PHTF1: variants seen among roughly 807,000 people sequenced by gnomAD.
The protein encoded by PHTF1 is protein PHTF1.
A neutral mutation model predicts 102.4 loss-of-function variants in PHTF1; 88 were observed. The observed-to-expected ratio is 0.86, with a 90% CI of 0.72 to 1.03. PHTF1 has a LOEUF of 1.03. Among genes scored for constraint, PHTF1 ranks in the 50% least tolerant of loss-of-function variants. The probability of loss-of-function intolerance (pLI) is 0.00; values close to 1 mark genes in which losing one functional copy is unlikely to be tolerated. For missense variants in PHTF1, 814 were observed against 909.5 expected (o/e 0.89, Z 1.35); for synonymous variants, 289 against 305.2 (o/e 0.95, Z 0.55).
intron 16 of PHTF1, 53 bp from the exon 17 acceptor site, chr1:113,699,852 C>T: frequency 1.3e-6 from 1 of 759,790 alleles, no homozygotes; most frequent in Non-Finnish European, 2.2e-6. Context: ...AATATATATA[C>T]TGCATAAAAT....
chr1:113,758,652 G>C lies in PHTF1; in HGVS notation c.45+7C>G, dbSNP rs1041875973. The C allele has an allele frequency of 6.5e-7, 1 of 1,529,526 alleles. No homozygotes were observed. Among genetic ancestry groups the C allele is most frequent in the African/African-American group, 1.4e-5 (1 of 72,916 alleles). 94.7% of individuals were successfully genotyped at this position (1,529,526 alleles called of 1,614,324 possible). A position where few individuals can be genotyped will look rare whatever the true frequency, so the allele number is the denominator to read the frequency against. ...TTACAAATAAAAAAAATATATATAT[G>C]TATTACCTTCTTTTGGTACCACGAT... is the stretch of plus-strand genomic sequence containing the variant. On this transcript the variant is annotated splice_region_variant and intron_variant, in intron 2 of 18. Coordinates refer to ENST00000369604, the MANE Select transcript of PHTF1 (RefSeq NM_001323043.2).
At chr1:113,698,167 AC>A in intron 18 of PHTF1, 94 bp downstream of exon 18, 1 of 829,954 alleles carries the variant, frequency 1.2e-6, no homozygotes, top group Non-Finnish European at 1.9e-6. Flanking sequence ...ACACACACAC[AC>A]ACACACACAC....
chr1:113,755,157 AT>A (rs1557979870), intron 3 of PHTF1, among the ~76,000 whole-genome samples: 1 of 151,178 alleles, frequency 6.6e-6, no homozygotes. Context: ...TTATTTTAAA[AT>A]TTTTTTTGCT....
At chr1:113,732,892 T>C (rs185816208) in intron 5 of PHTF1, among the ~76,000 whole-genome samples, 220 of 152,032 alleles carry the variant, frequency 1.4e-3, no homozygotes, top group African/African-American at 5.2e-3. Flanking sequence ...TAACAATCTT[T>C]TGTTGAGGGG....
At position 113,699,733 on chromosome 1, in the gene PHTF1, C is replaced by T; in HGVS notation, c.2113G>A (p.Val705Ile). 6.8e-7 allele frequency: 1 copy of T among 1,461,174 alleles called. No homozygotes were observed. The highest frequency in any genetic ancestry group is 1.2e-5 in the South Asian group (1 of 83,780). The allele number at this position is 1,461,174 out of a possible 1,614,324, so 90.5% of individuals were successfully genotyped here. ...AACAACTTGGTGGACAGCTTTAATA[C>T]ATTGTTTACTAGAGTAAGCTGTTCT... ...KKEQLTLVNN[V>I]LKLSTKLLKE... The change falls in exon 17 of 19, where the codon GTA (valine) becomes ATA (isoleucine). Residue 705 changes from valine to isoleucine, a missense_variant. Transcript: ENST00000369604.
intron 7 of PHTF1, among the ~76,000 whole-genome samples, chr1:113,723,882 G>T (rs577502175): frequency 6.6e-6 from 1 of 152,046 alleles, no homozygotes; most frequent in African/African-American, 2.4e-5. Context: ...TCTGACAAGG[G>T]ATTAATAACC....
At position 113,704,667 on chromosome 1, in the gene PHTF1, T is replaced by G. The variant is rs1649859454; in HGVS notation, c.1802A>C (p.Lys601Thr). 6.3e-7 allele frequency: 1 copy of G among 1,581,172 alleles called. No individual in the cohort carries two copies. The highest frequency in any genetic ancestry group is 8.6e-7 in the Non-Finnish European group (1 of 1,161,630). ...TATTGTTAATCAAATAAAACTCACC[T>G]TTAGATAGGAACGCAGTGATAACCA... ...KIWLSLRSYLKRRGPQRSVDV... is the reference protein window; with the variant it reads ...KIWLSLRSYLTRRGPQRSVDV... The change falls in exon 14 of 19, where the codon AAG (lysine) becomes ACG (threonine). Residue 601 changes from lysine (K) to threonine (T), a missense_variant and splice_region_variant. Physicochemically the swap from Lys to Thr is moderately conservative, Grantham distance 78. Coordinates refer to ENST00000369604, the MANE Select transcript of PHTF1 (RefSeq NM_001323043.2).
At chr1:113,758,252 A>AAAAAAAAACAC (rs1659185959) in intron 2 of PHTF1, among the ~76,000 whole-genome samples, 1 of 151,560 alleles carries the variant, frequency 6.6e-6, no homozygotes. Flanking sequence ...AAAAAAAAAA[A>AAAAAAAAACAC]AAATCCACTT....
chr1:113,718,759 G>A (rs559518348), intron 7 of PHTF1, among the ~76,000 whole-genome samples: 2 of 152,314 alleles, frequency 1.3e-5, no homozygotes, highest in Non-Finnish European at 2.9e-5. Context: ...TGGAGCAACT[G>A]GGACATGGGA....
chr1:113,738,465 T>C (rs1655862533), intron 4 of PHTF1, among the ~76,000 whole-genome samples, 197 bp from the exon 5 acceptor site: 1 of 152,134 alleles, frequency 6.6e-6, no homozygotes, highest in African/African-American at 2.4e-5. Flanking sequence ...TCAAAATAAG[T>C]CAGGCTTACT....
chr1:113,755,027 A>T (rs1030160293), intron 3 of PHTF1, among the ~76,000 whole-genome samples: 1 of 152,118 alleles, frequency 6.6e-6, no homozygotes, highest in Admixed American at 6.5e-5. Context: ...TGAAGAGTTC[A>T]TACCATTTTT....
intron 12 of PHTF1, 69 bp downstream of exon 12, chr1:113,706,525 A>T: frequency 2.3e-6 from 3 of 1,277,280 alleles, no homozygotes; most frequent in Non-Finnish European, 3.2e-6. Flanking sequence ...TCACTAAGAG[A>T]TTCTTATAAA....
In PHTF1 at chr1:113,724,757, A is replaced by T. The variant is rs1198596456; in HGVS notation, c.623+2T>A. On this transcript the variant is annotated splice_donor_variant, in intron 7 of 18. Coordinates refer to ENST00000369604, the MANE Select transcript of PHTF1 (RefSeq NM_001323043.2). LOFTEE classifies it high-confidence loss of function. ...ACAAAATCAAGTAAAAAAGACTCCC[A>T]CCTGTTGCCAAAGATAGTCTCCCAA... 16 of 1,592,994 alleles carry T rather than the reference A, an allele frequency of 1.0e-5. No homozygotes were observed. Among genetic ancestry groups the T allele is most frequent in the Non-Finnish European group, 1.3e-5 (15 of 1,173,630 alleles).
At chr1:113,736,228 G>A (rs1412135883) in intron 5 of PHTF1, among the ~76,000 whole-genome samples, 1 of 151,336 alleles carries the variant, frequency 6.6e-6, no homozygotes, top group African/African-American at 2.4e-5. Context: ...TGTAGTCCCA[G>A]CTACTCGGGA....
Position 113,741,530 on chromosome 1 carries a change from T to G in PHTF1, c.103-2731A>C, listed in dbSNP as rs559104088. ...TTTCTGGACATTTGTACCAGTGCTATTCCCCATCACTTTAGAGCCAAAATA... is the reference window on the plus strand; with the variant it reads ...TTTCTGGACATTTGTACCAGTGCTAGTCCCCATCACTTTAGAGCCAAAATA... On this transcript the variant is annotated intron_variant, in intron 3 of 18. Transcript: ENST00000369604. Among the ~76,000 whole-genome samples the G allele has an allele frequency of 5.9e-5, 9 of 152,340 alleles. No homozygotes were observed. In the South Asian group the frequency reaches 1.9e-3, roughly 32 times the overall value.
intron 7 of PHTF1, 66 bp from the exon 8 acceptor site, chr1:113,713,504 C>A: frequency 1.2e-6 from 1 of 839,320 alleles, no homozygotes; most frequent in South Asian, 1.6e-5. Flanking sequence ...AAACCACTTT[C>A]TTTTAAGGAA....
chr1:113,699,279 G>A (rs1306287416), intron 17 of PHTF1: 2 of 263,184 alleles, frequency 7.6e-6, no homozygotes, highest in Non-Finnish European at 1.5e-5. Flanking sequence ...CTCACACAGG[G>A]AGGATAAAGA....
intron 15 of PHTF1, among the ~76,000 whole-genome samples, chr1:113,702,572 C>G (rs1239878485): frequency 6.6e-6 from 1 of 151,816 alleles, no homozygotes; most frequent in East Asian, 1.9e-4. Flanking sequence ...GGGAACAAAG[C>G]CAGACTCCAC....
chr1:113,704,347 T>C (rs1176380616), intron 14 of PHTF1, among the ~76,000 whole-genome samples, 180 bp from the exon 15 acceptor site: 5 of 152,304 alleles, frequency 3.3e-5, no homozygotes, highest in African/African-American at 1.2e-4. Context: ...ATCCATGCAT[T>C]TCCAAATTAA....
Sources: gnomAD v4.1 joint callset for allele counts (sites outside exome capture counted in the v4.1 genomes callset) on GRCh38, gnomAD v4.1.1 for gene constraint, MANE v1.5 for transcripts, NCBI Gene and HGNC (gene_info 2026-07-23, HGNC 2026-07-21) for gene names.